Variants in FANCB observed in about 807,000 individuals in gnomAD.
The protein encoded by FANCB is Fanconi anemia group B protein.
FANCB carries 5 observed loss-of-function variants against 38.9 expected under a neutral mutation model. That is an observed-to-expected ratio of 0.13 (90% CI 0.07 to 0.27). FANCB has a LOEUF of 0.27. Ranked by LOEUF, FANCB falls within the 10% of genes least tolerant of loss-of-function variation. FANCB has a pLI of 1.00. For synonymous variants in FANCB, 236 were observed against 215.4 expected (o/e 1.10, Z -0.84); for missense variants, 573 against 602.7 (o/e 0.95, Z 0.52).
the FANCB span, among the ~76,000 whole-genome samples, chrX:14,771,088 G>C: frequency 9.0e-6 from 1 of 111,200 alleles, no homozygotes; most frequent in Admixed American, 9.5e-5. Context: ...TTTTGACCAA[G>C]GAGAATCTGA....
chrX:14,866,019 C>T (rs2092468317), intron 2 of FANCB, among the ~76,000 whole-genome samples: 1 of 111,481 alleles, frequency 9.0e-6, no homozygotes, highest in Admixed American at 9.5e-5. Context: ...TCACTCTCCC[C>T]AAATACGTTG....
chrX:14,722,696 G>GT, the FANCB span, among the ~76,000 whole-genome samples: 1 of 111,599 alleles, frequency 9.0e-6, no homozygotes, highest in African/African-American at 3.3e-5. Flanking sequence ...AAAGAAGTGG[G>GT]AACTGCTTCT....
chrX:14,705,847 A>G, the FANCB span, among the ~76,000 whole-genome samples: 2 of 112,051 alleles, frequency 1.8e-5, no homozygotes, highest in South Asian at 3.8e-4. Context: ...ACATGTTGAC[A>G]TGGGTGTAAA....
intron 3 of FANCB, chrX:14,862,305 G>C (rs778523915): frequency 3.6e-5 from 4 of 111,437 alleles, no homozygotes; most frequent in Non-Finnish European, 7.5e-5. Context: ...TTTGAGAGCA[G>C]GTTAGAAGTA....
chrX:14,715,339 G>A, the FANCB span, among the ~76,000 whole-genome samples: 1 of 112,126 alleles, frequency 8.9e-6, no homozygotes, highest in African/African-American at 3.2e-5. Context: ...AAATAAGCAA[G>A]GAAATGACTT....
chrX:14,740,512 T>C, the FANCB span, among the ~76,000 whole-genome samples: 3 of 111,819 alleles, frequency 2.7e-5, no homozygotes, highest in Non-Finnish European at 5.6e-5. Flanking sequence ...TCTTTTCCAA[T>C]ACTAGGAGGT....
At chrX:14,851,571 G>A (rs1000513253) in intron 6 of FANCB, among the ~76,000 whole-genome samples, 3 of 112,015 alleles carry the variant, frequency 2.7e-5, no homozygotes, top group Non-Finnish European at 5.6e-5. Context: ...CAGTAGCTGC[G>A]AGTTCTGAAG....
At chrX:14,764,509 A>G in the FANCB span, among the ~76,000 whole-genome samples, 1 of 111,775 alleles carries the variant, frequency 8.9e-6, no homozygotes, top group Admixed American at 9.5e-5. Context: ...CAAGGGATAA[A>G]TATCTCATCA....
the FANCB span, among the ~76,000 whole-genome samples, chrX:14,786,668 G>A: frequency 9.0e-6 from 1 of 111,629 alleles, no homozygotes; most frequent in South Asian, 3.7e-4. Context: ...AAGAAAGTGA[G>A]GAGAAGGAGC....
chrX:14,769,472 T>C, the FANCB span, among the ~76,000 whole-genome samples: 2 of 112,258 alleles, frequency 1.8e-5, no homozygotes, highest in Non-Finnish European at 3.8e-5. Context: ...TCTCTGATTG[T>C]TATTTGTATT....
the FANCB span, among the ~76,000 whole-genome samples, chrX:14,768,231 A>G: frequency 8.9e-6 from 1 of 111,793 alleles, no homozygotes; most frequent in African/African-American, 3.3e-5. Context: ...ATTGCATTGA[A>G]TCTATAAATT....
At chrX:14,809,988 C>T in the FANCB span, among the ~76,000 whole-genome samples, 23 of 111,951 alleles carry the variant, frequency 2.1e-4, no homozygotes, top group African/African-American at 7.5e-4. Context: ...GACAAAAATT[C>T]CAGAGAAACG....
intron 5 of FANCB, among the ~76,000 whole-genome samples, chrX:14,857,461 A>C (rs1055051765): frequency 1.3e-4 from 14 of 111,559 alleles, no homozygotes; most frequent in African/African-American, 4.6e-4. Flanking sequence ...TGGGAAAAAA[A>C]ATAAAAACTC....
chrX:14,859,639 C>G (rs1448881264), intron 3 of FANCB, among the ~76,000 whole-genome samples: 1 of 111,861 alleles, frequency 8.9e-6, no homozygotes, highest in African/African-American at 3.2e-5. Context: ...AGTTCTAACA[C>G]TTTTCATGAC....
At chrX:14,790,735 T>C in the FANCB span, among the ~76,000 whole-genome samples, 2 of 111,452 alleles carry the variant, frequency 1.8e-5, no homozygotes, top group African/African-American at 6.5e-5. Context: ...GTTTAGAGTG[T>C]TGCAAAAGCA....
chrX:14,736,650 G>A, the FANCB span, among the ~76,000 whole-genome samples: 9 of 111,128 alleles, frequency 8.1e-5, no homozygotes, highest in Non-Finnish European at 1.5e-4. Context: ...TGTTGGTCTC[G>A]CTGGGAGCTG....
rs1231684505 is a variant in FANCB at position 14,844,901 on chromosome X, A to G, written c.1882T>C (p.Ser628Pro). 8.3e-7 allele frequency: 1 copy of G among 1,202,358 alleles called. No individual in the cohort carries two copies. Among genetic ancestry groups the G allele is most frequent in the Non-Finnish European group, 1.1e-6 (1 of 892,306 alleles). The change falls in exon 8 of 10, where the codon TCA (serine) becomes CCA (proline). Residue 628 changes from serine (S) to proline (P), a missense_variant. By Grantham distance (74) the Ser-to-Pro change is moderately conservative. Transcript: ENST00000650831. ...GRVFLSLEDL[S>P]TGKYLLTFPK... is the part of the protein sequence containing the mutation. Reference sequence around the variant, plus strand: ...AATGTCAGTAGGTACTTCCCAGTTGAAAGATCTTCTAGACTTAAAAAAACT... The same window carrying G: ...AATGTCAGTAGGTACTTCCCAGTTGGAAGATCTTCTAGACTTAAAAAAACT...
chrX:14,813,346 T>C, the FANCB span, among the ~76,000 whole-genome samples: 3 of 107,557 alleles, frequency 2.8e-5, no homozygotes, highest in Non-Finnish European at 3.8e-5. Flanking sequence ...AAATAAAGGG[T>C]ATTCAATTAG....
Position 14,845,115 on chromosome X carries a change from A to G in FANCB, c.1668T>C (p.Pro556=). 4 of 1,211,476 alleles carry G rather than the reference A, an allele frequency of 3.3e-6. No individual in the cohort carries two copies. Among genetic ancestry groups the G allele is most frequent in the Non-Finnish European group, 4.5e-6 (4 of 895,081 alleles). The change falls in exon 8 of 10, where the codon CCT becomes CCC. Residue 556 remains proline, a synonymous_variant. Coordinates refer to ENST00000650831, the MANE Select transcript of FANCB (RefSeq NM_001018113.3). The stretch of plus-strand genomic sequence containing the variant: ...CAAAGCTTTCCTCTTTCTTGCTATC[A>G]GGGGTCAACGTGACCCTTTTTGCTT... ...GLEAKRVTLT[P]DSKKEESFVC... is the part of the protein sequence containing the mutation.
Sources: allele counts gnomAD v4.1 joint callset (sites outside exome capture counted in the v4.1 genomes callset), GRCh38; gene constraint gnomAD v4.1.1; transcripts MANE v1.5; gene names NCBI Gene and HGNC (gene_info 2026-07-23, HGNC 2026-07-21).